Variants in MGLL observed in about 807,000 individuals in gnomAD.
The protein encoded by MGLL is monoglyceride lipase, also known as lysophospholipase homolog.
MGLL carries 7 observed loss-of-function variants against 29.1 expected under a neutral mutation model. That is an observed-to-expected ratio of 0.24 (90% CI 0.14 to 0.45). The LOEUF (loss-of-function observed/expected upper bound fraction) is 0.45, where lower values mean the gene tolerates loss of function less well. Among genes scored for constraint, MGLL ranks in the 20% least tolerant of loss-of-function variants. The pLI is 0.99. For missense variants in MGLL, 356 were observed against 413.6 expected, an observed-to-expected ratio of 0.86 and a Z score of 1.21; for synonymous variants, 148 against 168.3, an observed-to-expected ratio of 0.88 and a Z score of 0.93.
chr3:127,784,681 C>T (rs571851237), intron 2 of MGLL, among the ~76,000 whole-genome samples: 1 of 152,256 alleles, frequency 6.6e-6, no homozygotes, highest in South Asian at 2.1e-4. Context: ...CACCTTTGGA[C>T]ACCTGGACTC....
chr3:127,735,706 T>TG, intron 3 of MGLL: 1 of 1,597,672 alleles, frequency 6.3e-7, no homozygotes, highest in South Asian at 1.1e-5. Context: ...TGAACATACC[T>TG]GGCAAAAGGT....
rs749613281 is a variant in MGLL, at chr3:127,695,043, G to T, written c.748C>A (p.Arg250Ser). The T allele has an allele frequency of 2.9e-5, 47 of 1,614,112 alleles. No homozygotes were observed. Among genetic ancestry groups the T allele is most frequent in the Non-Finnish European group, 3.8e-5 (45 of 1,180,024 alleles). The part of the protein sequence containing the change: ...PFLLLQGSAD[R>S]LCDSKGAYLL... ...TAGGCCCCTTTGCTGTCACATAGGCGATCGGCAGAGCCCTGGAGCAGCAGG... is the reference window on the plus strand; with the variant it reads ...TAGGCCCCTTTGCTGTCACATAGGCTATCGGCAGAGCCCTGGAGCAGCAGG... Residue 250 changes from arginine (R) to serine (S), a missense_variant, in exon 7 of 8, where the codon CGC (arginine) becomes AGC (serine). Arg to Ser is a moderately radical substitution (Grantham distance 110, BLOSUM62 -1). Coordinates refer to ENST00000265052, the MANE Select transcript of MGLL (RefSeq NM_007283.7).
At chr3:127,710,885 GCCAGGCAGCCGCTGCGCCCAAGGTGGGA>G in intron 5 of MGLL, 1 of 567,848 alleles carries the variant, frequency 1.8e-6, no homozygotes, top group South Asian at 1.9e-5. Flanking sequence ...GGGGGAGCTG[GCCAGGCAGCCGCTGCGCCCAAGGTGGGA>G]AGTCACGTCT....
At chr3:127,742,257 A>G (rs1267960383) in intron 3 of MGLL, among the ~76,000 whole-genome samples, 1 of 152,194 alleles carries the variant, frequency 6.6e-6, no homozygotes, top group South Asian at 2.1e-4. Flanking sequence ...GGCAAAACCC[A>G]CCTTCTTTCT....
At chr3:127,809,390 C>G (rs2077621707) in intron 2 of MGLL, among the ~76,000 whole-genome samples, 1 of 152,086 alleles carries the variant, frequency 6.6e-6, no homozygotes, top group Non-Finnish European at 1.5e-5. Context: ...CTTTTGGAGG[C>G]TGAGGAGATA....
At chr3:127,745,506 T>C (rs1270473573) in intron 3 of MGLL, among the ~76,000 whole-genome samples, 1 of 151,914 alleles carries the variant, frequency 6.6e-6, no homozygotes, top group African/African-American at 2.4e-5. Flanking sequence ...TGTGCACACA[T>C]GGACATAGAA....
At chr3:127,743,191 C>T (rs1193464492) in intron 3 of MGLL, among the ~76,000 whole-genome samples, 1 of 152,190 alleles carries the variant, frequency 6.6e-6, no homozygotes, top group African/African-American at 2.4e-5. Flanking sequence ...TGCCAAGAAA[C>T]AATCTTCCAG....
chr3:127,757,714 C>T (rs1030991357), intron 3 of MGLL, among the ~76,000 whole-genome samples: 7 of 152,210 alleles, frequency 4.6e-5, no homozygotes, highest in East Asian at 1.9e-4. Flanking sequence ...GACAGTGTCA[C>T]GAAGCTGGGG....
intron 3 of MGLL, among the ~76,000 whole-genome samples, chr3:127,723,560 C>A (rs764127056): frequency 6.6e-6 from 1 of 152,080 alleles, no homozygotes; most frequent in Non-Finnish European, 1.5e-5. Context: ...AGTCGCCCCC[C>A]CACGGTCTGT....
chr3:127,763,018 T>C (rs931316897), intron 3 of MGLL, among the ~76,000 whole-genome samples: 4 of 152,194 alleles, frequency 2.6e-5, no homozygotes, highest in Non-Finnish European at 5.9e-5. Flanking sequence ...TCTTCATGTG[T>C]GCTGGATCAC....
intron 2 of MGLL, among the ~76,000 whole-genome samples, chr3:127,810,379 A>G (rs918643809): frequency 6.6e-6 from 1 of 152,214 alleles, no homozygotes; most frequent in Admixed American, 6.5e-5. Context: ...ACATTCTGCC[A>G]TGCACTTCGG....
intron 2 of MGLL, among the ~76,000 whole-genome samples, chr3:127,787,015 G>A (rs1277724038): frequency 6.6e-6 from 1 of 152,174 alleles, no homozygotes; most frequent in Non-Finnish European, 1.5e-5. Context: ...CTCCTCCCCG[G>A]GGTTTGGAGG....
rs1324339074 is a variant in MGLL at position 127,690,598 on chromosome 3, G to A, written c.*1600C>T. 2.6e-5 allele frequency: 4 copies of A among 152,786 alleles called. No individual in the cohort carries two copies. The highest frequency in any genetic ancestry group is 5.9e-5 in the Non-Finnish European group (4 of 68,100). The allele number at this position is 152,786 out of a possible 1,614,324, so 9.5% of individuals were successfully genotyped here. A position where few individuals can be genotyped will look rare whatever the true frequency, so the allele number is the denominator to read the frequency against. ...CCCTGAGGCCTAGACTTCATGTTGG[G>A]GGTCCTGGTGGGAAGTGGCCTCTCC... On this transcript the variant is annotated 3_prime_UTR_variant, in exon 8 of 8. Coordinates refer to ENST00000265052, the MANE Select transcript of MGLL (RefSeq NM_007283.7).
intron 2 of MGLL, among the ~76,000 whole-genome samples, chr3:127,811,373 C>T (rs1198063361): frequency 6.6e-6 from 1 of 152,220 alleles, no homozygotes; most frequent in Admixed American, 6.5e-5. Context: ...TGCAAACTAT[C>T]CCAGAGTTAT....
chr3:127,772,620 A>T (rs6801867), intron 3 of MGLL, among the ~76,000 whole-genome samples: 6,367 of 152,268 alleles, frequency 0.042, 458 homozygotes, highest in African/African-American at 0.14. Flanking sequence ...GGGCTCCAGC[A>T]GATCCAGCAA....
At chr3:127,700,800 G>A (rs2075464422) in intron 6 of MGLL, among the ~76,000 whole-genome samples, 1 of 152,188 alleles carries the variant, frequency 6.6e-6, no homozygotes, top group South Asian at 2.1e-4. Context: ...TTCAGTGAAT[G>A]GCCTTTCTGC....
intron 2 of MGLL, among the ~76,000 whole-genome samples, chr3:127,797,736 T>C (rs1352794227): frequency 1.3e-5 from 2 of 152,144 alleles, no homozygotes; most frequent in Non-Finnish European, 2.9e-5. Context: ...GCCTCCTGAG[T>C]AGCTGGGACT....
intron 3 of MGLL, 101 bp downstream of exon 3, chr3:127,781,688 T>C (rs2077128517): frequency 3.7e-6 from 4 of 1,074,766 alleles, no homozygotes; most frequent in Admixed American, 1.7e-5. Flanking sequence ...CCGTGGGGAA[T>C]AGAAGAATTG....
At chr3:127,741,847 G>A (rs2076346689) in intron 3 of MGLL, among the ~76,000 whole-genome samples, 1 of 152,210 alleles carries the variant, frequency 6.6e-6, no homozygotes, top group Non-Finnish European at 1.5e-5. Flanking sequence ...GAGTTGACTT[G>A]TAACTTCATA....
Sources: gnomAD v4.1 joint callset for allele counts (sites outside exome capture counted in the v4.1 genomes callset) on GRCh38, gnomAD v4.1.1 for gene constraint, MANE v1.5 for transcripts, NCBI Gene and HGNC (gene_info 2026-07-23, HGNC 2026-07-21) for gene names.